The following LMTK2 variants were observed in gnomAD, a reference collection of about 807,000 sequenced individuals.
LMTK2 encodes lemur tail kinase 2.
LMTK2 carries 37 observed loss-of-function variants against 127.5 expected under a neutral mutation model. That is an observed-to-expected ratio of 0.29 (90% CI 0.22 to 0.38). The LOEUF (loss-of-function observed/expected upper bound fraction) is 0.38, where lower values mean the gene tolerates loss of function less well. Ranked by LOEUF, LMTK2 falls within the 10% of genes least tolerant of loss-of-function variation. LMTK2 has a pLI of 1.00. For synonymous variants in LMTK2, 819 were observed against 810.1 expected, an observed-to-expected ratio of 1.01 and a Z score of -0.19; for missense variants, 1,694 against 1,920.3, an observed-to-expected ratio of 0.88 and a Z score of 2.20.
At chr7:98,119,736 GC>G in intron 1 of LMTK2, among the ~76,000 whole-genome samples, 1 of 152,314 alleles carries the variant, frequency 6.6e-6, no homozygotes, top group East Asian at 1.9e-4. Context: ...AATTTTGAGA[GC>G]AGGTATAAAA....
rs777229652 is a variant in LMTK2, at chr7:98,193,455, C to T, written c.2990C>T (p.Pro997Leu). 1.4e-5 allele frequency: 22 copies of T among 1,614,030 alleles called. No individual in the cohort carries two copies. The highest frequency in any genetic ancestry group is 1.8e-5 in the Non-Finnish European group (21 of 1,180,030). ...GCCTCTGAGCCGTCCCTGGAAACCC[C>T]GGACTCTCTGGAGTCAGTGGATGTC... ...FPASEPSLET[P>L]DSLESVDVHE... The change falls in exon 11 of 14, where the codon CCG becomes CTG. Residue 997 changes from proline (P) to leucine (L), a missense_variant. Around this residue, in one of 8 missense-constraint regions of LMTK2, gnomAD observed 65 missense variants for 116.5 expected, o/e 0.56. Coordinates refer to ENST00000297293, the MANE Select transcript of LMTK2 (RefSeq NM_014916.4). The surrounding 1 kb of genome is among the most constrained non-coding windows in gnomAD (Gnocchi z 4.1).
intron 1 of LMTK2, among the ~76,000 whole-genome samples, chr7:98,136,574 C>A (rs766462829): frequency 6.6e-6 from 1 of 152,170 alleles, no homozygotes; most frequent in Non-Finnish European, 1.5e-5. Flanking sequence ...GCATTGCTTT[C>A]GAGGAATAGA....
intron 4 of LMTK2, among the ~76,000 whole-genome samples, chr7:98,154,159 T>C (rs944512178): frequency 6.6e-6 from 1 of 152,222 alleles, no homozygotes; most frequent in African/African-American, 2.4e-5. Flanking sequence ...ATTTCCCTTG[T>C]AGCTAGTTCT....
chr7:98,172,871 C>T, intron 7 of LMTK2, among the ~76,000 whole-genome samples: 1 of 152,230 alleles, frequency 6.6e-6, no homozygotes, highest in East Asian at 1.9e-4. Context: ...GATTCTCCTG[C>T]CTCAGCCTTC....
intron 3 of LMTK2, among the ~76,000 whole-genome samples, chr7:98,143,552 G>C (rs995458348): frequency 6.6e-6 from 1 of 152,114 alleles, no homozygotes; most frequent in Non-Finnish European, 1.5e-5. Context: ...TAGTAACCTC[G>C]TTATTAATTA....
At chr7:98,122,057 CATT>C (rs1384584823) in intron 1 of LMTK2, among the ~76,000 whole-genome samples, 1 of 152,132 alleles carries the variant, frequency 6.6e-6, no homozygotes, top group Non-Finnish European at 1.5e-5. Flanking sequence ...TATGAGATGA[CATT>C]ATACCATTTA....
At chr7:98,143,749 T>A (rs940149032) in intron 3 of LMTK2, among the ~76,000 whole-genome samples, 2 of 152,200 alleles carry the variant, frequency 1.3e-5, no homozygotes, top group African/African-American at 2.4e-5. Flanking sequence ...ATGAGACATG[T>A]TGACTCTTGA....
intron 1 of LMTK2, 77 bp downstream of exon 1, chr7:98,107,357 C>G: frequency 1.5e-5 from 8 of 539,788 alleles, no homozygotes; most frequent in Middle Eastern, 9.3e-4. Flanking sequence ...CCGGGCCGGC[C>G]TCGGCGCCGA....
At position 98,171,700 on chromosome 7, in the gene LMTK2, G is replaced by A. The variant is rs538513641; in HGVS notation, c.791+26G>A. 75 of 1,540,394 alleles carry A rather than the reference G, an allele frequency of 4.9e-5. No individual in the cohort carries two copies. In the East Asian group the frequency reaches 1.4e-3, roughly 30 times the overall value. On this transcript the variant is annotated intron_variant, in intron 7 of 13. Coordinates refer to ENST00000297293, the MANE Select transcript of LMTK2 (RefSeq NM_014916.4). This position sits in a 1 kb window ranked among gnomAD's most constrained non-coding sequence, Gnocchi z 5.1. ...GTGGGTACCTGCGTCAGCGGTGCAC[G>A]CCCCACACAGCACCGGCGGGACAGT... is the stretch of plus-strand genomic sequence containing the variant.
Position 98,141,245 on chromosome 7 carries a change from T to G in LMTK2, c.232-152T>G, listed in dbSNP as rs550139448. 7.8e-6 allele frequency: 5 copies of G among 637,026 alleles called. No individual in the cohort carries two copies. In the African/African-American group the frequency reaches 9.2e-5, roughly 12 times the overall value. 39.5% of individuals were successfully genotyped at this position (637,026 alleles called of 1,614,324 possible). On this transcript the variant is annotated intron_variant, in intron 2 of 13. Coordinates refer to ENST00000297293, the MANE Select transcript of LMTK2 (RefSeq NM_014916.4). ...GTCTTATGTATTCTGCTGTTTGGAG[T>G]CAGAGAACAAAATTACATATGCTTT...
intron 11 of LMTK2, among the ~76,000 whole-genome samples, chr7:98,201,523 G>A (rs1021606357): frequency 6.6e-6 from 1 of 152,134 alleles, no homozygotes; most frequent in East Asian, 1.9e-4. Context: ...TTTTATCCCT[G>A]GCTGCTTTCA....
At chr7:98,182,032 G>GA (rs1338107707) in intron 7 of LMTK2, among the ~76,000 whole-genome samples, 5 of 152,164 alleles carry the variant, frequency 3.3e-5, no homozygotes, top group Admixed American at 3.3e-4. Flanking sequence ...ATGCTGCTGG[G>GA]AAAATGGGAT....
rs1423104393 is a variant in LMTK2, at chr7:98,194,247, T to C, written c.3782T>C (p.Ile1261Thr). 1.9e-6 allele frequency: 3 copies of C among 1,613,950 alleles called. No individual in the cohort carries two copies. The highest frequency in any genetic ancestry group is 3.3e-5 in the Admixed American group (2 of 60,000). The change falls in exon 11 of 14, where the codon ATC becomes ACC. Residue 1261 changes from isoleucine (I) to threonine (T), a missense_variant. Ile to Thr is a moderately conservative substitution (Grantham distance 89). Coordinates refer to ENST00000297293, the MANE Select transcript of LMTK2 (RefSeq NM_014916.4). This position sits in a 1 kb window ranked among gnomAD's most constrained non-coding sequence, Gnocchi z 5.4. ...SEGPKLKEPD[I>T]EGKYLGKLGV... Reference sequence around the variant, plus strand: ...GGCCCGAAGTTGAAGGAGCCGGACATCGAAGGGAAGTACCTGGGGAAACTC... The same window carrying C: ...GGCCCGAAGTTGAAGGAGCCGGACACCGAAGGGAAGTACCTGGGGAAACTC...
intron 7 of LMTK2, among the ~76,000 whole-genome samples, chr7:98,179,843 C>T (rs1021271205): frequency 6.6e-6 from 1 of 152,136 alleles, no homozygotes; most frequent in Non-Finnish European, 1.5e-5. Context: ...AGGTAGCTAA[C>T]TGGAATCCAC....
intron 4 of LMTK2, among the ~76,000 whole-genome samples, chr7:98,153,887 T>C (rs1323410545): frequency 6.6e-6 from 1 of 152,168 alleles, no homozygotes; most frequent in Non-Finnish European, 1.5e-5. Context: ...GAGGGTGATT[T>C]AGTTAATTAT....
chr7:98,178,702 T>C (rs1562916084), intron 7 of LMTK2, among the ~76,000 whole-genome samples: 1 of 152,246 alleles, frequency 6.6e-6, no homozygotes, highest in Non-Finnish European at 1.5e-5. Context: ...CTTTGCACGT[T>C]ATTGGGCTTC....
At chr7:98,127,433 C>T (rs1212060352) in intron 1 of LMTK2, among the ~76,000 whole-genome samples, 1 of 152,168 alleles carries the variant, frequency 6.6e-6, no homozygotes, top group Non-Finnish European at 1.5e-5. Flanking sequence ...TTTGTCTAAC[C>T]TTTGTCTAAG....
Position 98,204,227 on chromosome 7 carries a change from G to A in LMTK2, c.4483+41G>A, listed in dbSNP as rs370022672. ...TGCTGGGGATTGGGAGTGCAGGGTC[G>A]GGGGTGGGGCGCTGCAGCTGGGAGA... On this transcript the variant is annotated intron_variant, in intron 13 of 13. Coordinates refer to ENST00000297293, the MANE Select transcript of LMTK2 (RefSeq NM_014916.4). The A allele has an allele frequency of 8.7e-5, 90 of 1,033,636 alleles. No individual in the cohort carries two copies. The South Asian group carries it at 9.5e-4, about 11-fold the overall frequency. The allele number at this position is 1,033,636 out of a possible 1,614,324, so 64.0% of individuals were successfully genotyped here. A position where few individuals can be genotyped will look rare whatever the true frequency, so the allele number is the denominator to read the frequency against.
chr7:98,168,207 G>A (rs189531394), intron 6 of LMTK2, among the ~76,000 whole-genome samples: 1 of 152,312 alleles, frequency 6.6e-6, no homozygotes, highest in Non-Finnish European at 1.5e-5. Flanking sequence ...GAGGTGTTTG[G>A]GGCCAGAGCA....
Sources: allele counts gnomAD v4.1 joint callset (sites outside exome capture counted in the v4.1 genomes callset), GRCh38; gene constraint gnomAD v4.1.1; regional missense constraint gnomAD v4.1.1; non-coding constraint Gnocchi (gnomAD v3.1); transcripts MANE v1.5; gene names NCBI Gene and HGNC (gene_info 2026-07-23, HGNC 2026-07-21).